Variants in PTPRT observed in about 807,000 individuals in gnomAD.
PTPRT encodes the protein protein tyrosine phosphatase receptor type T, also known as receptor-type tyrosine-protein phosphatase T.
Under a neutral mutation model 176.8 loss-of-function variants are expected in PTPRT, and 56 were observed. The observed-to-expected ratio is 0.32, with a 90% CI of 0.26 to 0.40. The LOEUF (loss-of-function observed/expected upper bound fraction) is 0.40. Ranked by LOEUF, PTPRT falls within the 10% of genes least tolerant of loss-of-function variation. PTPRT has a pLI of 1.00. For missense variants in PTPRT, 1,540 were observed against 1,908.2 expected, an observed-to-expected ratio of 0.81 and a Z score of 3.60; for synonymous variants, 783 against 739.0, an observed-to-expected ratio of 1.06 and a Z score of -0.96.
chr20:42,104,051 C>A (rs1341485050), intron 25 of PTPRT, among the ~76,000 whole-genome samples: 1 of 152,206 alleles, frequency 6.6e-6, no homozygotes, highest in Non-Finnish European at 1.5e-5. Flanking sequence ...ATGTTTTCAT[C>A]CCTCCCAAAA....
At chr20:42,471,687 A>T (rs774381003) in intron 8 of PTPRT, among the ~76,000 whole-genome samples, 4 of 151,834 alleles carry the variant, frequency 2.6e-5, no homozygotes, top group Non-Finnish European at 4.4e-5. Flanking sequence ...ATGGAATCTC[A>T]CTCTGTTGCC....
intron 2 of PTPRT, among the ~76,000 whole-genome samples, chr20:42,871,774 A>C (rs549738672): frequency 1.4e-4 from 20 of 140,066 alleles, no homozygotes; most frequent in Non-Finnish European, 2.5e-4. Context: ...AGATTATTTG[A>C]CCATGTATGT....
At chr20:42,808,106 C>G (rs1038809085) in intron 2 of PTPRT, among the ~76,000 whole-genome samples, 1 of 152,172 alleles carries the variant, frequency 6.6e-6, no homozygotes, top group Non-Finnish European at 1.5e-5. Context: ...CAGTCCTGCC[C>G]GTTGCAGACT....
At chr20:42,481,411 C>A (rs1278071353) in intron 7 of PTPRT, among the ~76,000 whole-genome samples, 1 of 152,080 alleles carries the variant, frequency 6.6e-6, no homozygotes, top group Non-Finnish European at 1.5e-5. Context: ...TATTTTAAAA[C>A]CATTTTGGCC....
intron 2 of PTPRT, among the ~76,000 whole-genome samples, chr20:42,839,561 A>T (rs1332873969): frequency 6.6e-6 from 1 of 152,078 alleles, no homozygotes; most frequent in African/African-American, 2.4e-5. Flanking sequence ...GAAAGCACTC[A>T]CTGTGTGCCA....
intron 20 of PTPRT, among the ~76,000 whole-genome samples, chr20:42,119,516 T>C (rs1987476395): frequency 6.6e-6 from 1 of 152,214 alleles, no homozygotes; most frequent in Admixed American, 6.6e-5. Flanking sequence ...GCCAAGTTAC[T>C]TTCTAGGGCA....
chr20:42,757,046 C>T (rs2076844189), intron 5 of PTPRT, among the ~76,000 whole-genome samples: 1 of 133,784 alleles, frequency 7.5e-6, no homozygotes, highest in Admixed American at 7.3e-5. Context: ...GAAGGCCCTG[C>T]CTCTTTAAAA....
rs2075534919 is a variant in PTPRT at position 42,677,883 on chromosome 20, G to C, written c.1136C>G (p.Thr379Ser). 6.2e-7 allele frequency: 1 copy of C among 1,613,662 alleles called. No individual in the cohort carries two copies. ...AATCTTACCTGCACACTTGGTCCTG[G>C]TGGTGAGGGGAGGCCCTGGCGGTCC... is the stretch of plus-strand genomic sequence containing the variant. ...GTGPPGPPLT[T>S]RTKCADPVHG... Residue 379 changes from threonine (T) to serine (S), a missense_variant, in exon 7 of 31, where the codon ACC (threonine) becomes AGC (serine). Around this residue, in one of 11 missense-constraint regions of PTPRT, gnomAD observed 273 missense variants for 432.1 expected, o/e 0.63. Transcript: ENST00000373187.
chr20:43,123,728 A>C lies in PTPRT; in HGVS notation c.88+65918T>G, dbSNP rs1430267067. ...TACTGTTAATTTGAAACTTCTCTTT[A>C]ATGCAGCTGGACATTATCCTAACTA... On this transcript the variant is annotated intron_variant, in intron 1 of 30. Transcript: ENST00000373187. Among the ~76,000 whole-genome samples the C allele has an allele frequency of 2.0e-5, 3 of 152,190 alleles. 1 individual carries two copies. The highest frequency in any genetic ancestry group is 7.2e-5 in the African/African-American group (3 of 41,452).
At chr20:42,825,572 T>C (rs1011460048) in intron 2 of PTPRT, among the ~76,000 whole-genome samples, 4 of 152,186 alleles carry the variant, frequency 2.6e-5, no homozygotes, top group Non-Finnish European at 5.9e-5. Context: ...TGTATATAAA[T>C]AGTAATCTAC....
At chr20:42,257,646 C>CCCCA (rs2056668742) in intron 13 of PTPRT, among the ~76,000 whole-genome samples, 1 of 35,554 alleles carries the variant, frequency 2.8e-5, no homozygotes, top group Non-Finnish European at 6.2e-5. Flanking sequence ...TCCCCCCACC[C>CCCCA]CCCCCCCCCC....
At chr20:42,791,898 C>T (rs1435069816) in intron 2 of PTPRT, among the ~76,000 whole-genome samples, 1 of 152,188 alleles carries the variant, frequency 6.6e-6, no homozygotes, top group Admixed American at 6.5e-5. Context: ...ATGTCCCTTG[C>T]CACTGGCTTT....
At chr20:43,081,624 CTTA>C (rs1283571363) in intron 1 of PTPRT, among the ~76,000 whole-genome samples, 1 of 151,892 alleles carries the variant, frequency 6.6e-6, no homozygotes, top group African/African-American at 2.4e-5. Context: ...TTTACTCTAC[CTTA>C]TTATTTTAAT....
At chr20:43,025,475 G>T (rs1032212688) in intron 1 of PTPRT, among the ~76,000 whole-genome samples, 3 of 152,166 alleles carry the variant, frequency 2.0e-5, no homozygotes, top group Non-Finnish European at 4.4e-5. Flanking sequence ...GGACCCTGAG[G>T]GTTGGAGTTG....
intron 1 of PTPRT, among the ~76,000 whole-genome samples, chr20:43,093,131 C>T (rs2011955116): frequency 6.6e-6 from 1 of 152,166 alleles, no homozygotes; most frequent in Admixed American, 6.5e-5. Context: ...GTATTATTTA[C>T]ACAAAAACAA....
chr20:43,129,929 T>C (rs6072990), intron 1 of PTPRT, among the ~76,000 whole-genome samples: 43,599 of 152,052 alleles, frequency 0.29, 7,059 homozygotes, highest in East Asian at 0.51. Flanking sequence ...AAAGAGTTCT[T>C]TTCGGGAGAT....
At chr20:42,044,201 C>G in the PTPRT span, among the ~76,000 whole-genome samples, 101 of 152,306 alleles carry the variant, frequency 6.6e-4, 1 homozygote, top group African/African-American at 2.2e-3. Context: ...GAGGCCTCCT[C>G]CAGTTGGACT....
Position 42,472,276 on chromosome 20 carries a change from A to G in PTPRT, c.1440T>C (p.Thr480=). The change falls in exon 8 of 31, where the codon ACT becomes ACC. Residue 480 remains threonine, a synonymous_variant. Coordinates refer to ENST00000373187, the MANE Select transcript of PTPRT (RefSeq NM_007050.6). The stretch of plus-strand genomic sequence containing the variant: ...TCCTCCCTTGCTCACCGTCTTCCTC[A>G]GTCTGCACCACCAGCTCCTCGCTCT... ...RMESEELVVQ[T]EEDVPGAVPL... 6.2e-7 allele frequency: 1 copy of G among 1,614,004 alleles called. No homozygotes were observed.
At chr20:42,446,367 C>T (rs573719753) in intron 9 of PTPRT, among the ~76,000 whole-genome samples, 6 of 152,064 alleles carry the variant, frequency 3.9e-5, no homozygotes, top group South Asian at 4.1e-4. Flanking sequence ...TTTTATAAAA[C>T]GATGTAAATA....
Sources: gnomAD v4.1 joint callset for allele counts (sites outside exome capture counted in the v4.1 genomes callset) on GRCh38, gnomAD v4.1.1 for gene constraint, gnomAD v4.1.1 regional missense constraint, MANE v1.5 for transcripts, NCBI Gene and HGNC (gene_info 2026-07-23, HGNC 2026-07-21) for gene names.